Variants in PKIA observed in about 807,000 individuals in gnomAD.
The protein encoded by PKIA is cAMP-dependent protein kinase inhibitor alpha.
In PKIA, 4 loss-of-function variants were observed where a neutral mutation model predicts 7.6. That is an observed-to-expected ratio of 0.52 (90% CI 0.26 to 1.20). PKIA has a LOEUF of 1.20. PKIA is among the 50% of genes most tolerant of loss of function. The pLI, the probability that PKIA is intolerant of heterozygous loss-of-function variation, is 0.13. For synonymous variants in PKIA, 21 were observed against 30.7 expected (o/e 0.68, Z 1.04); for missense variants, 73 against 86.2 (o/e 0.85, Z 0.61).
chr8:78,602,477 C>A lies in PKIA; in HGVS notation c.*656C>A, dbSNP rs893615533. 3 of 152,022 alleles carry A rather than the reference C, an allele frequency of 2.0e-5. No individual in the cohort carries two copies. Among genetic ancestry groups the A allele is most frequent in the African/African-American group, 7.3e-5 (3 of 41,272 alleles). 9.4% of individuals were successfully genotyped at this position (152,022 alleles called of 1,614,324 possible). On this transcript the variant is annotated 3_prime_UTR_variant, in exon 4 of 4. Coordinates refer to ENST00000396418, the MANE Select transcript of PKIA (RefSeq NM_006823.4). ...TGGTGGTGTACACAGGATAGAACAC[C>A]CTTTTTTAAAACACAGTCTTTCCCC...
At chr8:78,556,380 TA>T (rs897735728) in intron 1 of PKIA, 1 of 152,044 alleles carries the variant, frequency 6.6e-6, no homozygotes, top group Non-Finnish European at 1.5e-5. Flanking sequence ...ATATGGGAAG[TA>T]AAAAAATCAA....
At chr8:78,599,211 C>T (rs972869840) in intron 3 of PKIA, among the ~76,000 whole-genome samples, 1 of 151,968 alleles carries the variant, frequency 6.6e-6, no homozygotes, top group African/African-American at 2.4e-5. Context: ...TAGAATAAGT[C>T]CCCTGATAGT....
chr8:78,601,654 A>G, intron 3 of PKIA, 88 bp from the exon 4 acceptor site: 1 of 971,398 alleles, frequency 1.0e-6, no homozygotes, highest in Non-Finnish European at 1.6e-6. Flanking sequence ...AGTATTTCTG[A>G]AGTTACCAAT....
intron 1 of PKIA, among the ~76,000 whole-genome samples, chr8:78,526,105 A>G (rs75258750): frequency 0.055 from 8,389 of 152,114 alleles, 691 homozygotes; most frequent in African/African-American, 0.18. Flanking sequence ...AGACCTCATT[A>G]CTACATCTTT....
At chr8:78,555,512 G>A (rs1807108975) in intron 1 of PKIA, among the ~76,000 whole-genome samples, 1 of 152,038 alleles carries the variant, frequency 6.6e-6, no homozygotes, top group South Asian at 2.1e-4. Context: ...TATAGTTGGA[G>A]AGAAGTAGTC....
chr8:78,595,488 T>C (rs978260730), intron 2 of PKIA, among the ~76,000 whole-genome samples: 1 of 152,206 alleles, frequency 6.6e-6, no homozygotes, highest in African/African-American at 2.4e-5. Context: ...GTTTGTTACA[T>C]GAATAAATTG....
At chr8:78,567,309 T>A (rs545665847) in intron 1 of PKIA, among the ~76,000 whole-genome samples, 4 of 152,184 alleles carry the variant, frequency 2.6e-5, no homozygotes, top group Non-Finnish European at 5.9e-5. Flanking sequence ...GTTCCAAGAT[T>A]CCATCAGGAT....
Position 78,582,716 on chromosome 8 carries a change from G to T in PKIA, c.-28+9777G>T, listed in dbSNP as rs541069323. ...TCAAGAACTTTATATATTTCTACCTGCACTCAAATTGGAATAAATGGGCAT... is the reference window on the plus strand; with the variant it reads ...TCAAGAACTTTATATATTTCTACCTTCACTCAAATTGGAATAAATGGGCAT... On this transcript the variant is annotated intron_variant, in intron 2 of 3. Coordinates refer to ENST00000396418, the MANE Select transcript of PKIA (RefSeq NM_006823.4). 1.7e-4 allele frequency among the ~76,000 whole-genome samples: 26 copies of T among 152,128 alleles called. 1 individual carries two copies. Among genetic ancestry groups the T allele is most frequent in the African/African-American group, 5.5e-4 (23 of 41,510 alleles).
intron 1 of PKIA, among the ~76,000 whole-genome samples, chr8:78,572,392 GAAGAT>G (rs1807570454): frequency 6.6e-6 from 1 of 151,906 alleles, no homozygotes; most frequent in African/African-American, 2.4e-5. Flanking sequence ...AGATCTAAGT[GAAGAT>G]AGAAGAGAAA....
At chr8:78,552,281 A>G (rs973466051) in intron 1 of PKIA, among the ~76,000 whole-genome samples, 1 of 151,618 alleles carries the variant, frequency 6.6e-6, no homozygotes, top group African/African-American at 2.4e-5. Context: ...TTTTCTAACA[A>G]TTCTTTGAAA....
intron 1 of PKIA, among the ~76,000 whole-genome samples, chr8:78,547,262 A>T (rs1200945761): frequency 1.3e-5 from 2 of 151,458 alleles, no homozygotes; most frequent in African/African-American, 4.9e-5. Flanking sequence ...GCGCCACCAC[A>T]CCCGGCTAAT....
At chr8:78,540,155 G>C (rs948359347) in intron 1 of PKIA, among the ~76,000 whole-genome samples, 2 of 151,744 alleles carry the variant, frequency 1.3e-5, no homozygotes, top group East Asian at 3.9e-4. Flanking sequence ...CAATAAAAGG[G>C]TGTAACTTGC....
intron 1 of PKIA, among the ~76,000 whole-genome samples, chr8:78,516,703 T>C (rs1809322732): frequency 6.6e-6 from 1 of 152,228 alleles, no homozygotes; most frequent in African/African-American, 2.4e-5. Context: ...TTGAACGTGA[T>C]CTACCATTTC....
intron 2 of PKIA, among the ~76,000 whole-genome samples, chr8:78,580,561 A>G (rs923739315): frequency 1.1e-4 from 16 of 152,084 alleles, no homozygotes; most frequent in African/African-American, 3.9e-4. Flanking sequence ...ACCGAGGAGC[A>G]TAGTGTGAGC....
intron 2 of PKIA, among the ~76,000 whole-genome samples, chr8:78,573,852 C>G (rs1030784729): frequency 6.6e-6 from 1 of 151,854 alleles, no homozygotes; most frequent in Non-Finnish European, 1.5e-5. Context: ...GAATAAGTCC[C>G]CATGATTCTA....
At chr8:78,556,758 A>G (rs892573305) in intron 1 of PKIA, among the ~76,000 whole-genome samples, 1 of 152,186 alleles carries the variant, frequency 6.6e-6, no homozygotes, top group Non-Finnish European at 1.5e-5. Flanking sequence ...TATGTTTATG[A>G]AGATACTATA....
intron 1 of PKIA, among the ~76,000 whole-genome samples, chr8:78,557,660 A>C (rs1478101686): frequency 6.6e-6 from 1 of 152,146 alleles, no homozygotes; most frequent in African/African-American, 2.4e-5. Flanking sequence ...CTCTTGTCAA[A>C]ATGGTATTAT....
intron 1 of PKIA, among the ~76,000 whole-genome samples, chr8:78,541,945 G>A (rs2118417209): frequency 6.6e-6 from 1 of 151,920 alleles, no homozygotes; most frequent in South Asian, 2.1e-4. Flanking sequence ...CAAGGTGGGT[G>A]GATTACTTGA....
rs1808414181 is a variant in PKIA at position 78,603,915 on chromosome 8, T to A, written c.*2094T>A. 1.3e-5 allele frequency: 2 copies of A among 152,008 alleles called. No homozygotes were observed. Among genetic ancestry groups the A allele is most frequent in the African/African-American group, 4.8e-5 (2 of 41,422 alleles). The allele number at this position is 152,008 out of a possible 1,614,324, so 9.4% of individuals were successfully genotyped here. On this transcript the variant is annotated 3_prime_UTR_variant, in exon 4 of 4. Coordinates refer to ENST00000396418, the MANE Select transcript of PKIA (RefSeq NM_006823.4). ...GGTGCCATGCTTGTCTTTAAATATA[T>A]AAATAGTGCTAAATTGCAAAGTCAT...
Sources: allele counts gnomAD v4.1 joint callset (sites outside exome capture counted in the v4.1 genomes callset), GRCh38; gene constraint gnomAD v4.1.1; transcripts MANE v1.5; gene names NCBI Gene and HGNC (gene_info 2026-07-23, HGNC 2026-07-21).